Variants in NBPF20 observed in about 807,000 individuals in gnomAD.
The protein encoded by NBPF20 is NBPF family member NBPF20.
A neutral mutation model predicts 68.1 loss-of-function variants in NBPF20; 90 were observed. The observed-to-expected ratio is 1.32, with a 90% CI of 1.11 to 1.58. NBPF20 has a LOEUF of 1.58. Ranked by LOEUF, NBPF20 falls within the 40% of genes most tolerant of loss-of-function variation. The pLI is 0.00. For synonymous variants in NBPF20, 290 were observed against 228.1 expected, an observed-to-expected ratio of 1.27 and a Z score of -2.45; for missense variants, 816 against 601.2, an observed-to-expected ratio of 1.36 and a Z score of -3.74.
the NBPF20 span, among the ~76,000 whole-genome samples, chr1:145,412,420 T>C: frequency 2.0e-5 from 3 of 152,064 alleles, no homozygotes; most frequent in African/African-American, 7.2e-5. Flanking sequence ...ACCTGTTTGC[T>C]CATTTTCTAT....
At position 145,291,373 on chromosome 1, in the gene NBPF20, G is replaced by C. The variant is rs587653950; in HGVS notation, c.*153C>G. ...ATTGTCTTCAGACTGAGCACAGGTTGCCACTGGCATGGTTTGAGAATAGGA... is the reference window on the plus strand; with the variant it reads ...ATTGTCTTCAGACTGAGCACAGGTTCCCACTGGCATGGTTTGAGAATAGGA... On this transcript the variant is annotated 3_prime_UTR_variant, in exon 138 of 138. Coordinates refer to ENST00000369373, the Ensembl canonical transcript of NBPF20. 8 of 1,540,548 alleles carry C rather than the reference G, an allele frequency of 5.2e-6. No homozygotes were observed. The East Asian group carries it at 6.7e-5, about 13-fold the overall frequency.
the NBPF20 span, among the ~76,000 whole-genome samples, chr1:145,424,025 G>A: frequency 6.8e-6 from 1 of 146,802 alleles, no homozygotes; most frequent in African/African-American, 2.5e-5. Context: ...ACCCAGGCGG[G>A]AGTGCACTGC....
intron 116 of NBPF20, 23 bp from the exon 122 acceptor site, chr1:145,308,384 CA>C: frequency 2.7e-6 from 1 of 376,786 alleles, no homozygotes; most frequent in East Asian, 5.4e-5. Flanking sequence ...CAGACATGGA[CA>C]GACACATTAA....
chr1:145,409,444 G>T (rs1456642862), upstream of NBPF20, among the ~76,000 whole-genome samples: 2 of 150,778 alleles, frequency 1.3e-5, no homozygotes, highest in Non-Finnish European at 3.0e-5. Context: ...AAAAAAAAAA[G>T]AAGCCAGTGC....
chr1:145,425,197 GC>G, the NBPF20 span, among the ~76,000 whole-genome samples: 25 of 152,162 alleles, frequency 1.6e-4, no homozygotes, highest in African/African-American at 5.8e-4. Context: ...TGGAACTTAA[GC>G]CCCGGCGGGG....
At chr1:145,342,843 T>A (rs1165830787) in intron 73 of NBPF20, among the ~76,000 whole-genome samples, 2 of 81,442 alleles carry the variant, frequency 2.5e-5, no homozygotes, top group Non-Finnish European at 4.7e-5. Flanking sequence ...ATTGTCCAGG[T>A]GACACACTGA....
Position 145,402,393 on chromosome 1 carries a change from C to A in NBPF20, c.279-12G>T, listed in dbSNP as rs1375830490. On this transcript the variant is annotated splice_polypyrimidine_tract_variant and intron_variant, in intron 3 of 137. Coordinates refer to ENST00000369373, the Ensembl canonical transcript of NBPF20. ...GGACTTTATATTGCCTAAGGTGAGA[C>A]GGTAGAGAAAATTTAAGAGTGGAAA... 8 of 1,601,694 alleles carry A rather than the reference C, an allele frequency of 5.0e-6. No homozygotes were observed. Among genetic ancestry groups the A allele is most frequent in the Non-Finnish European group, 6.8e-6 (8 of 1,170,790 alleles).
chr1:145,394,365 T>C (rs1311961689), intron 8 of NBPF20, among the ~76,000 whole-genome samples: 11 of 151,726 alleles, frequency 7.2e-5, no homozygotes, highest in Admixed American at 1.3e-4. Context: ...TGAGTCAAAA[T>C]GAAACTTGGT....
At chr1:145,393,603 C>T in intron 9 of NBPF20, 1 of 677,086 alleles carries the variant, frequency 1.5e-6, no homozygotes, top group East Asian at 2.7e-5. Flanking sequence ...AGCATGTCCT[C>T]AATAATTTTG....
chr1:145,403,238 G>C, exon 3 of NBPF20: 1 of 1,612,630 alleles, frequency 6.2e-7, no homozygotes, highest in East Asian at 2.2e-5. Context: ...GCTTGCTTGA[G>C]CTGCTCTGCA....
exon 138 of NBPF20, chr1:145,291,326 G>A (rs587713877): frequency 2.8e-5 from 22 of 793,852 alleles, no homozygotes; most frequent in Admixed American, 8.2e-5. Context: ...TTATGTGAAC[G>A]TGTCACACCT....
chr1:145,377,847 T>G (rs1205284765), intron 29 of NBPF20, among the ~76,000 whole-genome samples, 196 bp downstream of exon 34: 2 of 70,858 alleles, frequency 2.8e-5, no homozygotes, highest in African/African-American at 8.9e-5. Flanking sequence ...GGTCAACCTA[T>G]AGTAAGTTAG....
At chr1:145,419,447 G>C in the NBPF20 span, among the ~76,000 whole-genome samples, 1 of 152,126 alleles carries the variant, frequency 6.6e-6, no homozygotes, top group African/African-American at 2.4e-5. Context: ...ACTGTTGCCA[G>C]AGACACTGAG....
At chr1:145,394,835 G>A (rs1381610594) in intron 8 of NBPF20, 143 bp downstream of exon 13, 24 of 1,563,978 alleles carry the variant, frequency 1.5e-5, no homozygotes, top group Admixed American at 1.0e-4. Context: ...CGACTCCAGA[G>A]TGATTGAAAT....
upstream of NBPF20, among the ~76,000 whole-genome samples, chr1:145,406,119 T>G (rs1332935158): frequency 7.0e-6 from 1 of 143,308 alleles, no homozygotes; most frequent in African/African-American, 2.6e-5. Flanking sequence ...GTATTTTTAG[T>G]AGAGACGGGG....
At chr1:145,292,901 C>CA (rs1661227294) in intron 136 of NBPF20, among the ~76,000 whole-genome samples, 1 of 36,214 alleles carries the variant, frequency 2.8e-5, no homozygotes, top group African/African-American at 1.4e-4. Flanking sequence ...AGGAAATCTA[C>CA]AAACCCTTGA....
the NBPF20 span, among the ~76,000 whole-genome samples, chr1:145,423,727 C>G: frequency 2.4e-3 from 359 of 151,108 alleles, 1 homozygote; most frequent in Middle Eastern, 0.034. Context: ...TGATACATTA[C>G]TGCACCCCTA....
intron 7 of NBPF20, among the ~76,000 whole-genome samples, chr1:145,395,704 G>A (rs1662201225): frequency 6.7e-6 from 1 of 148,804 alleles, no homozygotes; most frequent in South Asian, 2.1e-4. Context: ...AGAAATCCCT[G>A]TTTGAGGGTC....
At chr1:145,395,687 A>T (rs1203176884) in intron 7 of NBPF20, among the ~76,000 whole-genome samples, 1 of 149,230 alleles carries the variant, frequency 6.7e-6, no homozygotes, top group Non-Finnish European at 1.5e-5. Context: ...GAGAATAGGC[A>T]ACACCAAGAA....
Sources: gnomAD v4.1 joint callset for allele counts (sites outside exome capture counted in the v4.1 genomes callset) on GRCh38, gnomAD v4.1.1 for gene constraint, MANE v1.5 for transcripts, NCBI Gene and HGNC (gene_info 2026-07-23, HGNC 2026-07-21) for gene names.